The following MEGF6 variants were observed in gnomAD, a reference collection of about 807,000 sequenced individuals.
MEGF6 encodes multiple epidermal growth factor-like domains protein 6.
In MEGF6, 184 loss-of-function variants were observed where a neutral mutation model predicts 207.1. The ratio of observed to expected loss-of-function variants is 0.89; its 90% CI spans 0.79 to 1.00. MEGF6 has a LOEUF of 1.00. Ranked by LOEUF, MEGF6 falls within the 50% of genes least tolerant of loss-of-function variation. MEGF6 has a pLI of 0.00. For missense variants in MEGF6, 2,282 were observed against 2,202.9 expected, an observed-to-expected ratio of 1.04 and a Z score of -0.72; for synonymous variants, 1,038 against 910.0, an observed-to-expected ratio of 1.14 and a Z score of -2.53.
chr1:3,509,271 G>A (rs1459536355), intron 11 of MEGF6, 26 bp from the exon 12 acceptor site: 1 of 1,417,510 alleles, frequency 7.1e-7, no homozygotes, highest in East Asian at 2.8e-5. Flanking sequence ...AGGCGCCTTA[G>A]CCCCTGCCAC....
chr1:3,599,284 C>G (rs1002591874), intron 2 of MEGF6, among the ~76,000 whole-genome samples: 2 of 152,240 alleles, frequency 1.3e-5, no homozygotes, highest in African/African-American at 2.4e-5. Flanking sequence ...CCCCAGAGCT[C>G]AGGAGAGGAG....
intron 4 of MEGF6, among the ~76,000 whole-genome samples, chr1:3,526,032 C>T (rs1641948813): frequency 6.6e-6 from 1 of 152,240 alleles, no homozygotes; most frequent in Non-Finnish European, 1.5e-5. Flanking sequence ...CCAGAGCACC[C>T]GGCACACAGG....
chr1:3,612,220 T>TG, upstream of MEGF6, among the ~76,000 whole-genome samples: 1 of 151,944 alleles, frequency 6.6e-6, no homozygotes, highest in East Asian at 1.9e-4. Flanking sequence ...TCTTGGACAG[T>TG]GGCCTGGAGT....
chr1:3,502,694 T>C (rs1640954081), intron 17 of MEGF6, among the ~76,000 whole-genome samples: 1 of 152,052 alleles, frequency 6.6e-6, no homozygotes, highest in Admixed American at 6.5e-5. Flanking sequence ...TTGGGACCCC[T>C]GGAGAGGGCC....
chr1:3,522,991 T>C (rs971172859), intron 5 of MEGF6, among the ~76,000 whole-genome samples: 3 of 152,176 alleles, frequency 2.0e-5, no homozygotes, highest in Non-Finnish European at 4.4e-5. Flanking sequence ...CATTCCTGCA[T>C]CTGTTTCTAC....
intron 5 of MEGF6, among the ~76,000 whole-genome samples, chr1:3,523,728 T>C (rs932778958): frequency 7.9e-5 from 12 of 152,128 alleles, no homozygotes; most frequent in African/African-American, 2.4e-4. Context: ...TCAAATCAAA[T>C]GTAGGGGACA....
chr1:3,553,972 T>C lies in MEGF6; in HGVS notation c.481+25853A>G, dbSNP rs1350691152. 3.9e-5 allele frequency among the ~76,000 whole-genome samples: 6 copies of C among 152,292 alleles called. No homozygotes were observed. In the South Asian group the frequency reaches 1.0e-3, roughly 26 times the overall value. ...TCTTCCTCCCCAGGAATGTTCTGCC[T>C]GGAACCCAGCTGCTCCCCTCCGCCA... On this transcript the variant is annotated intron_variant, in intron 4 of 36. Coordinates refer to ENST00000356575, the MANE Select transcript of MEGF6 (RefSeq NM_001409.4).
At chr1:3,596,976 G>A (rs1354220723) in intron 2 of MEGF6, among the ~76,000 whole-genome samples, 11 of 152,144 alleles carry the variant, frequency 7.2e-5, no homozygotes, top group South Asian at 2.1e-4. Context: ...CTTCCAACTC[G>A]AGCTGCCCCC....
At position 3,488,311 on chromosome 1, in the gene MEGF6, C is replaced by T. The variant is rs1045408214; in HGVS notation, c.*2217G>A. 2.0e-5 allele frequency among the ~76,000 whole-genome samples: 3 copies of T among 152,286 alleles called. No individual in the cohort carries two copies. Among genetic ancestry groups the T allele is most frequent in the African/African-American group, 2.4e-5 (1 of 41,548 alleles). ...GAAGCTCGGCCTGCCTTATGGCTTC[C>T]GTAGCTGAACACTGTGTCTTCACTG... is the stretch of plus-strand genomic sequence containing the variant. On this transcript the variant is annotated 3_prime_UTR_variant, in exon 37 of 37. Transcript: ENST00000356575.
At chr1:3,599,230 C>A (rs902249855) in intron 2 of MEGF6, among the ~76,000 whole-genome samples, 1 of 152,246 alleles carries the variant, frequency 6.6e-6, no homozygotes, top group Non-Finnish European at 1.5e-5. Context: ...GAGGCTTTGG[C>A]GGGTTCCCAC....
At chr1:3,612,697 T>C (rs1644343662), upstream of MEGF6, among the ~76,000 whole-genome samples, 1 of 151,896 alleles carries the variant, frequency 6.6e-6, no homozygotes, top group South Asian at 2.1e-4. Context: ...TTCGTGTGGT[T>C]TGGGGGAGGA....
rs759700263 is a variant in MEGF6 at position 3,497,296 on chromosome 1, A to T, written c.3418T>A (p.Cys1140Ser). The T allele has an allele frequency of 6.5e-6, 10 of 1,549,138 alleles. No homozygotes were observed. The highest frequency in any genetic ancestry group is 7.8e-6 in the Non-Finnish European group (9 of 1,151,020). ...QRCSCPPGAA[C>S]HHVTGACRCP... ...CGGCAGGCCCCAGTGACGTGGTGGC[A>T]GGCAGCGCCAGGCGGGCAGCTGCAG... Residue 1140 changes from cysteine to serine, a missense_variant, in exon 27 of 37, where the codon TGC (cysteine) becomes AGC (serine). Cys to Ser is a moderately radical substitution (Grantham distance 112). Coordinates refer to ENST00000356575, the MANE Select transcript of MEGF6 (RefSeq NM_001409.4).
At chr1:3,601,017 TCC>T (rs1463922294) in intron 2 of MEGF6, among the ~76,000 whole-genome samples, 4 of 152,066 alleles carry the variant, frequency 2.6e-5, no homozygotes, top group Admixed American at 6.5e-5. Context: ...CGGGAGGGGA[TCC>T]CCTGCCAGTG....
intron 34 of MEGF6, 132 bp downstream of exon 34, chr1:3,493,639 G>T: frequency 7.8e-7 from 1 of 1,284,072 alleles, no homozygotes; most frequent in Non-Finnish European, 1.1e-6. Context: ...AGGGGGCACA[G>T]TCCAGGTGCA....
At chr1:3,558,590 C>A (rs1004835469) in intron 4 of MEGF6, among the ~76,000 whole-genome samples, 3 of 152,180 alleles carry the variant, frequency 2.0e-5, no homozygotes, top group Non-Finnish European at 2.9e-5. Context: ...TCGTTCTAAG[C>A]CAACTGGGAT....
chr1:3,610,493 C>T (rs573749477), intron 1 of MEGF6, among the ~76,000 whole-genome samples: 1 of 86,188 alleles, frequency 1.2e-5, no homozygotes, highest in East Asian at 3.7e-4. Context: ...CCTCCTCCTC[C>T]TCCTCCTCCA....
rs1641057663 is a variant in MEGF6, at chr1:3,505,223, C to T, written c.2173G>A (p.Glu725Lys). Residue 725 changes from glutamate (E) to lysine (K), a missense_variant, in exon 17 of 37, where the codon GAG becomes AAG. Transcript: ENST00000356575. The part of the protein sequence containing the change: ...GKRCPAGFQG[E>K]DCGQECPVGT... The stretch of plus-strand genomic sequence containing the variant: ...GGCCACTCACCTTGGCCACAGTCCT[C>T]TCCCTGGAAGCCAGCAGGACACCGC... 6.2e-7 allele frequency: 1 copy of T among 1,611,846 alleles called. No homozygotes were observed. Among genetic ancestry groups the T allele is most frequent in the Non-Finnish European group, 8.5e-7 (1 of 1,179,498 alleles).
At position 3,493,810 on chromosome 1, in the gene MEGF6, G is replaced by A. The variant is rs1044242454; in HGVS notation, c.4348C>T (p.Leu1450Phe). The change falls in exon 34 of 37, where the codon CTT becomes TTT. Residue 1450 changes from leucine to phenylalanine, a missense_variant. Coordinates refer to ENST00000356575, the MANE Select transcript of MEGF6 (RefSeq NM_001409.4). ...GCTCCTGAGCGCCCTGGTGGGCAAA[G>A]GCAGAGACCGGTGACAGGGTCACAG... ...APCDPVTGLC[L>F]CPPGRSGATC... 6.2e-7 allele frequency: 1 copy of A among 1,610,754 alleles called. No homozygotes were observed. The highest frequency in any genetic ancestry group is 8.5e-7 in the Non-Finnish European group (1 of 1,179,050).
intron 1 of MEGF6, among the ~76,000 whole-genome samples, chr1:3,607,245 C>T (rs1644262445): frequency 6.6e-6 from 1 of 152,002 alleles, no homozygotes; most frequent in Admixed American, 6.5e-5. Flanking sequence ...CCTGGACCAC[C>T]CAGCAGCCCT....
Sources: gnomAD v4.1 joint callset for allele counts (sites outside exome capture counted in the v4.1 genomes callset) on GRCh38, gnomAD v4.1.1 for gene constraint, MANE v1.5 for transcripts, NCBI Gene and HGNC (gene_info 2026-07-23, HGNC 2026-07-21) for gene names.